The following MUC4 variants were observed in gnomAD, a reference collection of about 807,000 sequenced individuals.
The protein encoded by MUC4 is mucin 4, cell surface associated.
In MUC4, 202 loss-of-function variants were observed where a neutral mutation model predicts 257.9. The ratio of observed to expected loss-of-function variants is 0.78; its 90% confidence interval spans 0.70 to 0.88. The LOEUF is 0.88. MUC4 is among the 40% of genes least tolerant of loss of function. The pLI is 0.00. For synonymous variants in MUC4, 2,351 were observed against 2,757.1 expected (o/e 0.85, Z 4.62); for missense variants, 5,976 against 6,513.7 (o/e 0.92, Z 2.84).
intron 4 of MUC4, among the ~76,000 whole-genome samples, chr3:195,773,558 G>T (rs77159336): frequency 7.4e-6 from 1 of 134,854 alleles, no homozygotes; most frequent in South Asian, 2.4e-4. Flanking sequence ...TCTCTCTATC[G>T]CTCAGCAGGT....
chr3:195,797,077 T>C (rs1292220808), intron 1 of MUC4, among the ~76,000 whole-genome samples: 1 of 152,070 alleles, frequency 6.6e-6, no homozygotes, highest in Non-Finnish European at 1.5e-5. Context: ...ACCCCGTCTC[T>C]GGTAAAAATA....
chr3:195,809,224 G>A (rs146444009), intron 1 of MUC4, among the ~76,000 whole-genome samples: 5 of 152,272 alleles, frequency 3.3e-5, no homozygotes, highest in East Asian at 1.9e-4. Flanking sequence ...CCCTCATTGC[G>A]GCAGCTCCTT....
intron 7 of MUC4, among the ~76,000 whole-genome samples, chr3:195,767,504 C>CCACCAT (rs1273737246): frequency 2.2e-5 from 3 of 137,514 alleles, no homozygotes; most frequent in South Asian, 2.4e-4. Context: ...ACCATCACCA[C>CCACCAT]CACCATCACC....
chr3:195,771,173 G>GCGGCCGGGT lies in MUC4; in HGVS notation c.13242+478_13242+479insACCCGGCCG, dbSNP rs1560273511. The stretch of plus-strand genomic sequence containing the variant: ...GGTTGGGGTATTCCTGGTCAGTCTC[G>GCGGCCGGGT]TGGTTGGGTTGGGGTATTCCTGGTC... On this transcript the variant is annotated intron_variant, in intron 5 of 24. Transcript: ENST00000463781. Among the ~76,000 whole-genome samples, 31 of 133,826 alleles carry GCGGCCGGGT rather than the reference G, an allele frequency of 2.3e-4. 1 individual carries two copies. The highest frequency in any genetic ancestry group is 5.9e-4 in the African/African-American group (21 of 35,328). The allele number at this position is 133,826 out of a possible 152,430, so 87.8% of individuals were successfully genotyped here. A position where few individuals can be genotyped will look rare whatever the true frequency, so the allele number is the denominator to read the frequency against.
chr3:195,751,150 T>TG, intron 22 of MUC4, 38 bp from the exon 23 acceptor site: 5 of 526,652 alleles, frequency 9.5e-6, no homozygotes, highest in South Asian at 2.4e-5. Context: ...GGTGGGGGGC[T>TG]GGGGGTGGGG....
chr3:195,747,968 C>CCCCAG (rs1715421943), intron 24 of MUC4, among the ~76,000 whole-genome samples: 2 of 152,204 alleles, frequency 1.3e-5, no homozygotes, highest in Non-Finnish European at 2.9e-5. Flanking sequence ...CACACCCCCG[C>CCCCAG]CCCAGCCCGG....
At chr3:195,804,307 G>T (rs1735708853) in intron 1 of MUC4, among the ~76,000 whole-genome samples, 1 of 152,246 alleles carries the variant, frequency 6.6e-6, no homozygotes, top group Non-Finnish European at 1.5e-5. Context: ...TCCAGGATGT[G>T]AAGGCCGAGT....
chr3:195,775,410 C>T lies in MUC4; in HGVS notation c.12944-1105G>A, dbSNP rs1373806855. 3.2e-4 allele frequency among the ~76,000 whole-genome samples: 34 copies of T among 105,346 alleles called. 5 individuals carry two copies. Among genetic ancestry groups the T allele is most frequent in the Non-Finnish European group, 3.7e-4 (18 of 48,148 alleles). The allele number at this position is 105,346 out of a possible 152,430, so 69.1% of individuals were successfully genotyped here. On this transcript the variant is annotated intron_variant, in intron 3 of 24. Coordinates refer to ENST00000463781, the MANE Select transcript of MUC4 (RefSeq NM_018406.7). ...CCTTCCACACCCATACCTTCCACAC[C>T]CATACCTTCCACACCCATACCTTCC...
At chr3:195,778,217 A>G in intron 3 of MUC4, 86 bp downstream of exon 3, 17 of 1,461,858 alleles carry the variant, frequency 1.2e-5, no homozygotes, top group Non-Finnish European at 1.5e-5. Context: ...CACCCGAGAG[A>G]GCGGAGACTG....
chr3:195,751,073 G>C lies in MUC4; in HGVS notation c.15687C>G (p.His5229Gln). 6.3e-7 allele frequency: 1 copy of C among 1,593,176 alleles called. No homozygotes were observed. The highest frequency in any genetic ancestry group is 1.4e-5 in the African/African-American group (1 of 73,378). The change falls in exon 23 of 25, where the codon CAC becomes CAG. Residue 5229 changes from histidine (H) to glutamine (Q), a missense_variant. Physicochemically the swap from His to Gln is conservative, Grantham distance 24 (BLOSUM62 0). Transcript: ENST00000463781. ...AAPASGSPIQ[H>Q]WMVISEFQYR... ...ACTGGAACTCCGAGATGACCATCCA[G>C]TGTTGGATGGGGCTTCCCGAGGCCG...
chr3:195,747,470 A>G (rs181019231), intron 24 of MUC4, 90 bp from the exon 25 acceptor site: 77 of 1,434,490 alleles, frequency 5.4e-5, no homozygotes, highest in Admixed American at 3.5e-4. Context: ...GAGGTTCTGT[A>G]GGAGAGGCTG....
intron 7 of MUC4, among the ~76,000 whole-genome samples, chr3:195,767,718 C>T (rs1379252721): frequency 0.018 from 15 of 856 alleles, 3 homozygotes; most frequent in Non-Finnish European, 0.027. Context: ...CCATCGGCCA[C>T]CACCACCATC....
In MUC4 at chr3:195,774,277, G is replaced by A. The variant is rs766468275; in HGVS notation, c.12972C>T (p.Gly4324=). 1.8e-5 allele frequency: 28 copies of A among 1,588,448 alleles called. No individual in the cohort carries two copies. The highest frequency in any genetic ancestry group is 7.2e-5 in the Admixed American group (4 of 55,814). The change falls in exon 4 of 25, where the codon GGC becomes GGT. Residue 4324 remains glycine, a synonymous_variant. Transcript: ENST00000463781. Reference sequence around the variant, plus strand: ...TCCTGACGAACTCCAGGTCCCCGGCGCCTGCCCCATAGGGGAAGAGGGAAA... The same window carrying A: ...TCCTGACGAACTCCAGGTCCCCGGCACCTGCCCCATAGGGGAAGAGGGAAA... ...RGVSLFPYGA[G]AGDLEFVRRT... is the part of the protein sequence containing the mutation.
At position 195,758,573 on chromosome 3, in the gene MUC4, C is replaced by CTTTTTTTTTTTTTTTTTTTT. The variant is rs55860315; in HGVS notation, c.14986+550_14986+551insAAAAAAAAAAAAAAAAAAAA. 1.3e-4 allele frequency among the ~76,000 whole-genome samples: 17 copies of CTTTTTTTTTTTTTTTTTTTT among 126,488 alleles called. 2 individuals are homozygous for CTTTTTTTTTTTTTTTTTTTT. Among genetic ancestry groups the CTTTTTTTTTTTTTTTTTTTT allele is most frequent in the Middle Eastern group, 4.3e-3 (1 of 234 alleles). 83.0% of individuals were successfully genotyped at this position (126,488 alleles called of 152,430 possible). ...GATTGAGATTAAATGATCTTCAAAT[C>CTTTTTTTTTTTTTTTTTTTT]TTTTTTTTGAGACAGAGTCTCGCTC... is the stretch of plus-strand genomic sequence containing the variant. On this transcript the variant is annotated intron_variant, in intron 17 of 24. Coordinates refer to ENST00000463781, the MANE Select transcript of MUC4 (RefSeq NM_018406.7).
chr3:195,756,612 C>G (rs1479843228), intron 18 of MUC4, among the ~76,000 whole-genome samples: 1 of 144,694 alleles, frequency 6.9e-6, no homozygotes, highest in Non-Finnish European at 1.5e-5. Flanking sequence ...CCTTTCCTTT[C>G]TTTCCTTTCC....
rs1222756388 is a variant in MUC4, at chr3:195,780,419, C to A, written c.11161G>T (p.Val3721Leu). Residue 3721 changes from valine to leucine, a missense_variant, in exon 2 of 25, where the codon GTA (valine) becomes TTA (leucine). By Grantham distance (32) the Val-to-Leu change is conservative. Coordinates refer to ENST00000463781, the MANE Select transcript of MUC4 (RefSeq NM_018406.7). ...AGAGGGGTGACGTGACCTGTAGATA[C>A]TGAGGAAGTGCTGGTGACAGGAAGA... ...TPLPVTSTSS[V>L]STGHVTPLHV... 5 of 1,541,246 alleles carry A rather than the reference C, an allele frequency of 3.2e-6. No individual in the cohort carries two copies. Among genetic ancestry groups the A allele is most frequent in the African/African-American group, 3.1e-5 (2 of 63,962 alleles).
At chr3:195,806,508 C>T (rs1736004429) in intron 1 of MUC4, among the ~76,000 whole-genome samples, 1 of 152,250 alleles carries the variant, frequency 6.6e-6, no homozygotes. Context: ...TGCCAAGAGA[C>T]TGGGCCACGT....
intron 1 of MUC4, among the ~76,000 whole-genome samples, chr3:195,805,198 C>T (rs1735823210): frequency 1.3e-5 from 2 of 152,044 alleles, no homozygotes; most frequent in Non-Finnish European, 2.9e-5. Flanking sequence ...AGAACTTTAC[C>T]CGTTCTTTCC....
intron 1 of MUC4, among the ~76,000 whole-genome samples, chr3:195,798,095 A>G (rs1419394285): frequency 6.6e-6 from 1 of 152,210 alleles, no homozygotes; most frequent in African/African-American, 2.4e-5. Context: ...TCCAGCCTGC[A>G]TGACAGAGGG....
Sources: gnomAD v4.1 joint callset for allele counts (sites outside exome capture counted in the v4.1 genomes callset) on GRCh38, gnomAD v4.1.1 for gene constraint, MANE v1.5 for transcripts, NCBI Gene and HGNC (gene_info 2026-07-23, HGNC 2026-07-21) for gene names.